The following PRKG2 variants were observed in gnomAD, a reference collection of about 807,000 sequenced individuals.
The protein encoded by PRKG2 is cGMP-dependent protein kinase 2.
PRKG2 carries 33 observed loss-of-function variants against 97.2 expected under a neutral mutation model. The ratio of observed to expected loss-of-function variants is 0.34; its 90% CI spans 0.26 to 0.45. PRKG2 has a LOEUF of 0.45. PRKG2 is among the 20% of genes least tolerant of loss of function. The pLI, the probability that PRKG2 is intolerant of heterozygous loss-of-function variation, is 1.00. For missense variants in PRKG2, 638 were observed against 900.0 expected, an observed-to-expected ratio of 0.71 and a Z score of 3.73; for synonymous variants, 330 against 321.8, an observed-to-expected ratio of 1.03 and a Z score of -0.27.
Position 81,104,371 on chromosome 4 carries a change from T to A in PRKG2, c.2125A>T (p.Arg709Trp). 1 of 1,518,768 alleles carries A rather than the reference T, an allele frequency of 6.6e-7. No homozygotes were observed. The highest frequency in any genetic ancestry group is 8.9e-7 in the Non-Finnish European group (1 of 1,129,328). The allele number at this position is 1,518,768 out of a possible 1,614,324, so 94.1% of individuals were successfully genotyped here. ...CTGGGCAAAGAAATAATTATGTACC[T>A]GTGTTTCTTAATGTCATTTATTCCA... ...KNGINDIKKH[R>W]WLNGFNWEGL... is the part of the protein sequence containing the mutation. Residue 709 changes from arginine to tryptophan, a missense_variant and splice_region_variant, in exon 17 of 19, where the codon AGG (arginine) becomes TGG (tryptophan). Physicochemically the swap from Arg to Trp is moderately radical, Grantham distance 101. Around this residue, in one of 3 missense-constraint regions of PRKG2, gnomAD observed 304 missense variants for 460.5 expected, o/e 0.66. Transcript: ENST00000264399.
chr4:81,153,548 T>C (rs1015582625), intron 7 of PRKG2, 96 bp downstream of exon 7: 3 of 925,032 alleles, frequency 3.2e-6, no homozygotes, highest in African/African-American at 3.3e-5. Flanking sequence ...CTGTCCAAAG[T>C]GGAGGACCTA....
At chr4:81,172,723 C>G (rs1304699011) in intron 3 of PRKG2, among the ~76,000 whole-genome samples, 1 of 152,108 alleles carries the variant, frequency 6.6e-6, no homozygotes, top group Non-Finnish European at 1.5e-5. Flanking sequence ...GTAATATCTC[C>G]TTTCCTTAAA....
intron 14 of PRKG2, among the ~76,000 whole-genome samples, chr4:81,131,074 G>A (rs781616673): frequency 6.6e-6 from 1 of 152,160 alleles, no homozygotes; most frequent in Non-Finnish European, 1.5e-5. Flanking sequence ...TGCCCAAACG[G>A]CCACCCAGTT....
chr4:81,174,266 A>G (rs1338616934), intron 3 of PRKG2, among the ~76,000 whole-genome samples: 2 of 152,108 alleles, frequency 1.3e-5, no homozygotes, highest in African/African-American at 2.4e-5. Context: ...AATCATTGGT[A>G]TAAAACCAAA....
intron 14 of PRKG2, among the ~76,000 whole-genome samples, chr4:81,120,728 AATCAT>A (rs1234378328): frequency 1.3e-5 from 2 of 152,206 alleles, no homozygotes; most frequent in Non-Finnish European, 2.9e-5. Context: ...CTACATAGAT[AATCAT>A]ATCATTTGTG....
intron 14 of PRKG2, among the ~76,000 whole-genome samples, chr4:81,129,191 C>T (rs1284800402): frequency 6.6e-6 from 1 of 151,946 alleles, no homozygotes; most frequent in Non-Finnish European, 1.5e-5. Flanking sequence ...TTAGGATTTC[C>T]GTTCTTTTGC....
chr4:81,177,472 G>A (rs1351089664), intron 2 of PRKG2, among the ~76,000 whole-genome samples: 3 of 152,152 alleles, frequency 2.0e-5, no homozygotes, highest in African/African-American at 7.2e-5. Context: ...TTGGGAGGCC[G>A]AGGCGGGCAG....
intron 12 of PRKG2, 29 bp from the exon 13 acceptor site, chr4:81,137,511 T>C (rs774328427): frequency 2.6e-6 from 4 of 1,554,250 alleles, no homozygotes; most frequent in Middle Eastern, 1.7e-4. Flanking sequence ...ACATGGTTAT[T>C]ATTGGAAATC....
At chr4:81,211,022 G>C (rs1231139630) in intron 1 of PRKG2, among the ~76,000 whole-genome samples, 1 of 152,150 alleles carries the variant, frequency 6.6e-6, no homozygotes, top group East Asian at 1.9e-4. Context: ...AGAAAGATCA[G>C]TGGTTGCCAG....
chr4:81,163,903 C>A (rs192093177), intron 6 of PRKG2, among the ~76,000 whole-genome samples: 1 of 147,484 alleles, frequency 6.8e-6, no homozygotes, highest in Non-Finnish European at 1.5e-5. Flanking sequence ...CACACACACA[C>A]CTCTGTGCAT....
At chr4:81,159,780 T>TAA (rs1251645089) in intron 6 of PRKG2, among the ~76,000 whole-genome samples, 1 of 151,766 alleles carries the variant, frequency 6.6e-6, no homozygotes, top group African/African-American at 2.4e-5. Context: ...TATGCAGCCA[T>TAA]AAAAAATGAT....
At chr4:81,105,960 G>C in intron 15 of PRKG2, 25 bp from the exon 16 acceptor site, 1 of 1,605,112 alleles carries the variant, frequency 6.2e-7, no homozygotes, top group Non-Finnish European at 8.5e-7. Context: ...TCCAGAACAG[G>C]ACACATTAAT....
rs780130091 is a variant in PRKG2 at position 81,137,406 on chromosome 4, T to C, written c.1621A>G (p.Ile541Val). Reference sequence around the variant, plus strand: ...CTTTTTCATTACCTGTCCCTTAATATACTCCAGAGCTCCCCACCTAAGCAG... The same window carrying C: ...CTTTTTCATTACCTGTCCCTTAATACACTCCAGAGCTCCCCACCTAAGCAG... ...EACLGGELWSILRDRGSFDEP... is the reference protein window; with the variant it reads ...EACLGGELWSVLRDRGSFDEP... The change falls in exon 13 of 19, where the codon ATA (isoleucine) becomes GTA (valine). Residue 541 changes from isoleucine to valine, a missense_variant. Around this residue, in one of 3 missense-constraint regions of PRKG2, gnomAD observed 304 missense variants for 460.5 expected, o/e 0.66. Coordinates refer to ENST00000264399, the MANE Select transcript of PRKG2 (RefSeq NM_006259.3). 2 of 1,609,416 alleles carry C rather than the reference T, an allele frequency of 1.2e-6. No homozygotes were observed. The highest frequency in any genetic ancestry group is 1.1e-5 in the South Asian group (1 of 90,996).
At chr4:81,139,652 G>A (rs1271343350) in intron 12 of PRKG2, among the ~76,000 whole-genome samples, 1 of 151,576 alleles carries the variant, frequency 6.6e-6, no homozygotes, top group Non-Finnish European at 1.5e-5. Flanking sequence ...GTGGGTGCCT[G>A]TAGTTCCAGC....
At chr4:81,163,496 T>A (rs571326752) in intron 6 of PRKG2, among the ~76,000 whole-genome samples, 1 of 152,144 alleles carries the variant, frequency 6.6e-6, no homozygotes, top group Non-Finnish European at 1.5e-5. Flanking sequence ...GGTACACATA[T>A]TTATACAAAA....
At chr4:81,165,466 A>G (rs17005069) in intron 6 of PRKG2, among the ~76,000 whole-genome samples, 16,656 of 152,210 alleles carry the variant, frequency 0.11, 1,103 homozygotes, top group Middle Eastern at 0.21. Flanking sequence ...AAAATGATGC[A>G]GTAGTGATTG....
chr4:81,193,605 C>T (rs1454571263), intron 2 of PRKG2, among the ~76,000 whole-genome samples: 3 of 152,048 alleles, frequency 2.0e-5, no homozygotes, highest in Non-Finnish European at 4.4e-5. Context: ...TTTGGGAGGC[C>T]AAGGTGGGCA....
intron 6 of PRKG2, among the ~76,000 whole-genome samples, chr4:81,165,566 T>TCC (rs148032246): frequency 0.11 from 16,552 of 151,838 alleles, 1,083 homozygotes; most frequent in Middle Eastern, 0.21. Flanking sequence ...ATCCCATTAC[T>TCC]CTCGTTAATC....
At chr4:81,171,852 G>A (rs377195884) in intron 3 of PRKG2, 48 bp from the exon 4 acceptor site, 182 of 1,261,198 alleles carry the variant, frequency 1.4e-4, no homozygotes, top group East Asian at 8.0e-4. Context: ...ATCGAAATCC[G>A]TGTAGATACT....
Sources: allele counts gnomAD v4.1 joint callset (sites outside exome capture counted in the v4.1 genomes callset), GRCh38; gene constraint gnomAD v4.1.1; regional missense constraint gnomAD v4.1.1; transcripts MANE v1.5; gene names NCBI Gene and HGNC (gene_info 2026-07-23, HGNC 2026-07-21).